Variants in FAF1 observed in about 807,000 individuals in gnomAD.
FAF1 encodes the protein Fas associated factor 1.
In FAF1, 25 loss-of-function variants were observed where a neutral mutation model predicts 92.5. That is an observed-to-expected ratio of 0.27 (90% CI 0.20 to 0.38). FAF1 has a LOEUF of 0.38. FAF1 is among the 10% of genes least tolerant of loss of function. FAF1 has a pLI of 1.00. For synonymous variants in FAF1, 234 were observed against 273.2 expected, an observed-to-expected ratio of 0.86 and a Z score of 1.42; for missense variants, 636 against 793.3, an observed-to-expected ratio of 0.80 and a Z score of 2.38.
At chr1:50,496,265 C>T (rs972206049) in intron 15 of FAF1, among the ~76,000 whole-genome samples, 1 of 152,140 alleles carries the variant, frequency 6.6e-6, no homozygotes, top group Non-Finnish European at 1.5e-5. Context: ...CCTTGCTCTA[C>T]CAATAGGTCC....
At chr1:50,564,704 A>C (rs1388328438) in intron 13 of FAF1, among the ~76,000 whole-genome samples, 5 of 152,256 alleles carry the variant, frequency 3.3e-5, no homozygotes, top group Non-Finnish European at 2.9e-5. Context: ...TAGGAAACCC[A>C]ATTAGACAAT....
intron 2 of FAF1, among the ~76,000 whole-genome samples, chr1:50,836,334 C>T (rs1644205156): frequency 1.3e-5 from 2 of 151,500 alleles, no homozygotes; most frequent in Admixed American, 6.6e-5. Context: ...CCATGCCCAG[C>T]CATGTTTTGT....
At chr1:50,911,464 G>A (rs567076441) in intron 1 of FAF1, among the ~76,000 whole-genome samples, 1 of 151,664 alleles carries the variant, frequency 6.6e-6, no homozygotes, top group East Asian at 2.0e-4. Context: ...GGGAGGCCAA[G>A]GCAGGCGGAT....
intron 6 of FAF1, among the ~76,000 whole-genome samples, chr1:50,709,056 G>T (rs1657808129): frequency 1.3e-5 from 2 of 152,164 alleles, no homozygotes; most frequent in Non-Finnish European, 2.9e-5. Context: ...GACTTCCTGA[G>T]GTTTGAAGGC....
intron 12 of FAF1, among the ~76,000 whole-genome samples, chr1:50,578,121 G>A (rs752504640): frequency 6.6e-6 from 1 of 152,170 alleles, no homozygotes; most frequent in Non-Finnish European, 1.5e-5. Flanking sequence ...CATTTAATGA[G>A]TATATAAGTT....
intron 15 of FAF1, among the ~76,000 whole-genome samples, chr1:50,510,025 C>T (rs909099353): frequency 5.9e-5 from 9 of 151,740 alleles, no homozygotes; most frequent in South Asian, 2.1e-4. Context: ...AAAAATTAGC[C>T]GGGTGTGGCG....
intron 9 of FAF1, among the ~76,000 whole-genome samples, chr1:50,589,347 T>G (rs1297269466): frequency 6.6e-6 from 1 of 151,988 alleles, no homozygotes; most frequent in Non-Finnish European, 1.5e-5. Flanking sequence ...ATACGAAGTC[T>G]GCTGAGGAGG....
chr1:50,894,862 T>A (rs535772770), intron 1 of FAF1, among the ~76,000 whole-genome samples: 44 of 152,052 alleles, frequency 2.9e-4, no homozygotes, highest in Non-Finnish European at 5.4e-4. Flanking sequence ...ACCTATGGGG[T>A]TACAGCAAAA....
chr1:50,596,116 C>G lies in FAF1; in HGVS notation c.840+5G>C. On this transcript the variant is annotated splice_donor_5th_base_variant and intron_variant, in intron 9 of 18. Coordinates refer to ENST00000396153, the MANE Select transcript of FAF1 (RefSeq NM_007051.3). Reference sequence around the variant, plus strand: ...GTTCAAAGAAAAGCTGGCAAACAGGCTTACTTCTTCCGACTGTTCCCGGGT... The same window carrying G: ...GTTCAAAGAAAAGCTGGCAAACAGGGTTACTTCTTCCGACTGTTCCCGGGT... 1 of 1,609,050 alleles carries G rather than the reference C, an allele frequency of 6.2e-7. No individual in the cohort carries two copies. Among genetic ancestry groups the G allele is most frequent in the African/African-American group, 1.3e-5 (1 of 74,890 alleles).
intron 1 of FAF1, among the ~76,000 whole-genome samples, chr1:50,938,713 T>C (rs1404507954): frequency 6.6e-6 from 1 of 152,224 alleles, no homozygotes; most frequent in Non-Finnish European, 1.5e-5. Flanking sequence ...GTTTGAGGTC[T>C]TTCATTTAAA....
At chr1:50,660,423 G>A (rs530585673) in intron 7 of FAF1, among the ~76,000 whole-genome samples, 9 of 151,888 alleles carry the variant, frequency 5.9e-5, no homozygotes, top group Admixed American at 2.6e-4. Flanking sequence ...TATTATTCTC[G>A]TGAAAGCAAA....
At chr1:50,476,691 T>C (rs1460571983) in intron 17 of FAF1, among the ~76,000 whole-genome samples, 2 of 152,160 alleles carry the variant, frequency 1.3e-5, no homozygotes, top group African/African-American at 2.4e-5. Flanking sequence ...AGCCTTAACA[T>C]TCGTATGCCA....
At chr1:50,880,525 A>G (rs953566453) in intron 1 of FAF1, among the ~76,000 whole-genome samples, 1 of 152,236 alleles carries the variant, frequency 6.6e-6, no homozygotes, top group African/African-American at 2.4e-5. Context: ...TAGAAATACT[A>G]GAGAACTCGT....
intron 2 of FAF1, among the ~76,000 whole-genome samples, chr1:50,807,897 A>C (rs1224205807): frequency 1.3e-5 from 2 of 152,198 alleles, no homozygotes; most frequent in Admixed American, 1.3e-4. Flanking sequence ...ATTCAAATTC[A>C]GGAAATGCAC....
intron 15 of FAF1, among the ~76,000 whole-genome samples, chr1:50,517,921 C>G (rs748138594): frequency 5.3e-5 from 8 of 152,056 alleles, no homozygotes; most frequent in Non-Finnish European, 1.0e-4. Flanking sequence ...TGTTAAAACC[C>G]ATTTTAAAGT....
At chr1:50,817,216 C>T (rs1470060886) in intron 2 of FAF1, among the ~76,000 whole-genome samples, 3 of 151,964 alleles carry the variant, frequency 2.0e-5, no homozygotes, top group East Asian at 1.9e-4. Flanking sequence ...GCATTATTTA[C>T]GATAGATAAA....
At chr1:50,752,302 C>G (rs1659900565) in intron 4 of FAF1, among the ~76,000 whole-genome samples, 1 of 152,118 alleles carries the variant, frequency 6.6e-6, no homozygotes, top group Non-Finnish European at 1.5e-5. Flanking sequence ...ATTGACAATT[C>G]AATTTATATA....
At chr1:50,711,228 C>T (rs776572422) in intron 6 of FAF1, among the ~76,000 whole-genome samples, 7 of 152,026 alleles carry the variant, frequency 4.6e-5, no homozygotes, top group Non-Finnish European at 1.0e-4. Flanking sequence ...TTTTATTGCA[C>T]ATAAGTTATA....
At chr1:50,835,019 AG>A (rs1431879448) in intron 2 of FAF1, among the ~76,000 whole-genome samples, 1 of 152,214 alleles carries the variant, frequency 6.6e-6, no homozygotes, top group Non-Finnish European at 1.5e-5. Context: ...AACAATAATA[AG>A]GGCAAGCAGT....
Sources: allele counts gnomAD v4.1 joint callset (sites outside exome capture counted in the v4.1 genomes callset), GRCh38; gene constraint gnomAD v4.1.1; transcripts MANE v1.5; gene names NCBI Gene and HGNC (gene_info 2026-07-23, HGNC 2026-07-21).